PCSK5: variants seen among roughly 807,000 people sequenced by gnomAD.
The protein encoded by PCSK5 is proprotein convertase subtilisin/kexin type 5, also known as prohormone convertase 5.
Under a neutral mutation model 233.2 loss-of-function variants are expected in PCSK5, and 129 were observed. The observed-to-expected ratio is 0.55, with a 90% CI of 0.48 to 0.64. The LOEUF (loss-of-function observed/expected upper bound fraction) is 0.64, where lower values mean the gene tolerates loss of function less well. PCSK5 is among the 30% of genes least tolerant of loss of function. The pLI is 0.00. For missense variants in PCSK5, 2,076 were observed against 2,430.1 expected, an observed-to-expected ratio of 0.85 and a Z score of 3.06; for synonymous variants, 825 against 879.2, an observed-to-expected ratio of 0.94 and a Z score of 1.09.
At chr9:76,335,657 A>G (rs1321647517) in intron 34 of PCSK5, among the ~76,000 whole-genome samples, 1 of 152,160 alleles carries the variant, frequency 6.6e-6, no homozygotes, top group Non-Finnish European at 1.5e-5. Context: ...CTCTTTTAGC[A>G]TTACTCCTTG....
intron 24 of PCSK5, among the ~76,000 whole-genome samples, chr9:76,261,434 GA>G (rs1278975330): frequency 2.6e-5 from 4 of 152,114 alleles, no homozygotes; most frequent in African/African-American, 7.2e-5. Flanking sequence ...CTGCAGGATA[GA>G]AAATCAATGT....
intron 1 of PCSK5, among the ~76,000 whole-genome samples, chr9:75,910,412 G>C (rs1168562809): frequency 6.6e-6 from 1 of 152,172 alleles, no homozygotes; most frequent in Non-Finnish European, 1.5e-5. Flanking sequence ...TTGGAGATTT[G>C]CATTTCCTGA....
chr9:76,213,638 C>G (rs562493286), intron 20 of PCSK5, among the ~76,000 whole-genome samples: 8 of 152,050 alleles, frequency 5.3e-5, no homozygotes, highest in Non-Finnish European at 1.0e-4. Context: ...AAAGTTGTGC[C>G]CAGCATAGAC....
At chr9:76,110,514 C>T (rs1339804850) in intron 9 of PCSK5, among the ~76,000 whole-genome samples, 1 of 152,162 alleles carries the variant, frequency 6.6e-6, no homozygotes, top group African/African-American at 2.4e-5. Flanking sequence ...TACCATTGGC[C>T]TCTCTGCCAT....
At chr9:75,964,717 C>T (rs1481196494) in intron 2 of PCSK5, among the ~76,000 whole-genome samples, 1 of 152,130 alleles carries the variant, frequency 6.6e-6, no homozygotes, top group Non-Finnish European at 1.5e-5. Flanking sequence ...TTGATGAATG[C>T]CTTTGTTAAT....
chr9:75,994,396 CTTTCTTTTTTTTTTTTTTTTTTTTTT>C lies in PCSK5; in HGVS notation c.411+8155_411+8180del, dbSNP rs1206598797. ...CCCAGTTTCTTTCTTTTCTTTCTTT[CTTTCTTTTTTTTTTTTTTTTTTTTTT>C]TTTTTTTTTTTTTTTTTTTTGAGAT... On this transcript the variant is annotated intron_variant, in intron 3 of 37. Coordinates refer to ENST00000674117, the MANE Select transcript of PCSK5 (RefSeq NM_001372043.1). Among the ~76,000 whole-genome samples, 64 of 68,320 alleles carry C rather than the reference CTTTCTTTTTTTTTTTTTTTTTTTTTT, an allele frequency of 9.4e-4. 2 individuals are homozygous for C. The highest frequency in any genetic ancestry group is 3.0e-3 in the African/African-American group (55 of 18,540). The allele number at this position is 68,320 out of a possible 152,430, so 44.8% of individuals were successfully genotyped here.
At chr9:76,320,240 C>T (rs1454386899) in intron 30 of PCSK5, among the ~76,000 whole-genome samples, 1 of 151,884 alleles carries the variant, frequency 6.6e-6, no homozygotes, top group Admixed American at 6.6e-5. Context: ...TCCTGGCTAA[C>T]ACGGTGAAAC....
At chr9:76,152,052 T>A (rs1395389668) in intron 10 of PCSK5, among the ~76,000 whole-genome samples, 2 of 152,206 alleles carry the variant, frequency 1.3e-5, no homozygotes, top group African/African-American at 4.8e-5. Flanking sequence ...TCGGCCACGT[T>A]TCATATTTTG....
chr9:76,074,266 T>C (rs907446860), intron 7 of PCSK5, among the ~76,000 whole-genome samples: 3 of 152,200 alleles, frequency 2.0e-5, no homozygotes, highest in Non-Finnish European at 4.4e-5. Flanking sequence ...ATAGAACTCA[T>C]TTATTTTATT....
chr9:76,351,736 A>C (rs1008730190), intron 36 of PCSK5, among the ~76,000 whole-genome samples: 1 of 61,006 alleles, frequency 1.6e-5, no homozygotes, highest in African/African-American at 6.1e-5. Context: ...TGAAACCATG[A>C]ATTTTTTTTT....
intron 3 of PCSK5, among the ~76,000 whole-genome samples, chr9:75,990,611 G>C (rs1020396305): frequency 2.6e-5 from 4 of 152,190 alleles, no homozygotes; most frequent in African/African-American, 9.6e-5. Flanking sequence ...TAAGCGCTGA[G>C]AGTTTAGAAA....
intron 1 of PCSK5, among the ~76,000 whole-genome samples, chr9:75,920,647 A>T (rs1012664455): frequency 2.6e-5 from 4 of 152,036 alleles, no homozygotes; most frequent in African/African-American, 9.7e-5. Flanking sequence ...TCTACTAAAA[A>T]TACAAAAACT....
At chr9:75,966,115 T>A (rs1825573845) in intron 2 of PCSK5, among the ~76,000 whole-genome samples, 1 of 152,210 alleles carries the variant, frequency 6.6e-6, no homozygotes, top group South Asian at 2.1e-4. Flanking sequence ...TAAGCCCTTG[T>A]GTCAACCGGT....
chr9:75,929,402 A>G (rs1823672980), intron 1 of PCSK5, among the ~76,000 whole-genome samples: 1 of 151,336 alleles, frequency 6.6e-6, no homozygotes, highest in Non-Finnish European at 1.5e-5. Context: ...TATTTGTACT[A>G]ATTAAGGTAT....
intron 10 of PCSK5, among the ~76,000 whole-genome samples, chr9:76,148,354 TCTCTCTCC>T (rs148679411): frequency 0.29 from 7,001 of 24,044 alleles, 470 homozygotes; most frequent in East Asian, 0.6. Flanking sequence ...TCTCTCTCCC[TCTCTCTCC>T]CTCTCTCTCC....
chr9:76,178,624 G>C lies in PCSK5; in HGVS notation c.1901-972G>C, dbSNP rs141109164. On this transcript the variant is annotated intron_variant, in intron 14 of 37. Transcript: ENST00000674117. Reference sequence around the variant, plus strand: ...CATAATGACTCAAAGAAACCAAGGTGTAACAGTAAGTCCTTTGGGTTACAA... The same window carrying C: ...CATAATGACTCAAAGAAACCAAGGTCTAACAGTAAGTCCTTTGGGTTACAA... Among the ~76,000 whole-genome samples the C allele has an allele frequency of 3.3e-5, 5 of 152,266 alleles. No homozygotes were observed. In the East Asian group the frequency reaches 9.6e-4, roughly 29 times the overall value.
intron 16 of PCSK5, among the ~76,000 whole-genome samples, chr9:76,183,466 A>G (rs1378830347): frequency 6.6e-6 from 1 of 152,200 alleles, no homozygotes. Context: ...TGAATAATTA[A>G]TTTTATTTAA....
chr9:76,031,689 A>C (rs1007810703), intron 5 of PCSK5, among the ~76,000 whole-genome samples: 1 of 152,208 alleles, frequency 6.6e-6, no homozygotes, highest in Admixed American at 6.5e-5. Flanking sequence ...ACCCTGTCTC[A>C]AAAAATAATA....
intron 24 of PCSK5, among the ~76,000 whole-genome samples, chr9:76,257,152 A>T (rs919905355): frequency 6.6e-6 from 1 of 152,204 alleles, no homozygotes; most frequent in Admixed American, 6.5e-5. Context: ...GTGCCTGTCA[A>T]CAGGGAGGCA....
Sources: allele counts gnomAD v4.1 joint callset (sites outside exome capture counted in the v4.1 genomes callset), GRCh38; gene constraint gnomAD v4.1.1; transcripts MANE v1.5; gene names NCBI Gene and HGNC (gene_info 2026-07-23, HGNC 2026-07-21).